Variants in SARNP observed in about 807,000 individuals in gnomAD.
SARNP encodes SAP domain-containing ribonucleoprotein.
In SARNP, 5 loss-of-function variants were observed where a neutral mutation model predicts 38.1. The observed-to-expected ratio is 0.13, with a 90% CI of 0.07 to 0.28. The LOEUF is 0.28. SARNP is among the 10% of genes least tolerant of loss of function. The probability of loss-of-function intolerance (pLI) is 1.00; values close to 1 mark genes in which losing one functional copy is unlikely to be tolerated. For synonymous variants in SARNP, 84 were observed against 80.6 expected, an observed-to-expected ratio of 1.04 and a Z score of -0.23; for missense variants, 180 against 243.9, an observed-to-expected ratio of 0.74 and a Z score of 1.75.
intron 3 of SARNP, 101 bp from the exon 4 acceptor site, chr12:55,800,730 C>A (rs1879956070): frequency 7.9e-7 from 1 of 1,272,346 alleles, no homozygotes; most frequent in Admixed American, 1.7e-5. Context: ...CTCTCAGAAC[C>A]TTCATACCCA....
At chr12:55,794,957 TAAA>T (rs373511418) in intron 5 of SARNP, 77 bp from the exon 6 acceptor site, 692 of 144,472 alleles carry the variant, frequency 4.8e-3, no homozygotes, top group South Asian at 0.016. Context: ...TAGGTATCTT[TAAA>T]AAAAAAAAAA....
At chr12:55,817,614 A>T in intron 1 of SARNP, 52 bp downstream of exon 1, 2 of 1,557,442 alleles carry the variant, frequency 1.3e-6, no homozygotes, top group Non-Finnish European at 8.8e-7. Context: ...GCTACCCTGT[A>T]GAATTCAGTT....
intron 5 of SARNP, 123 bp downstream of exon 5, chr12:55,795,902 C>T (rs1046659635): frequency 7.2e-6 from 5 of 695,882 alleles, no homozygotes; most frequent in Middle Eastern, 2.5e-4. Flanking sequence ...CGTATCAACA[C>T]CAAAATCTGC....
chr12:55,817,095 C>T (rs1262472103), intron 1 of SARNP, among the ~76,000 whole-genome samples: 1 of 152,146 alleles, frequency 6.6e-6, no homozygotes, highest in Admixed American at 6.5e-5. Flanking sequence ...TCCTCAACCC[C>T]AGGCTTCTAA....
chr12:55,777,614 T>C (rs1879220886), intron 9 of SARNP, among the ~76,000 whole-genome samples: 2 of 152,144 alleles, frequency 1.3e-5, no homozygotes, highest in East Asian at 1.9e-4. Flanking sequence ...GACCTCATGA[T>C]CCACCTGCCT....
At chr12:55,791,970 C>A (rs1225372124) in intron 7 of SARNP, among the ~76,000 whole-genome samples, 1 of 151,922 alleles carries the variant, frequency 6.6e-6, no homozygotes, top group Non-Finnish European at 1.5e-5. Flanking sequence ...TAACTATTAT[C>A]TTTCTTCAAA....
chr12:55,766,852 G>C (rs1312293836), intron 9 of SARNP, among the ~76,000 whole-genome samples: 1 of 151,742 alleles, frequency 6.6e-6, no homozygotes, highest in Admixed American at 6.6e-5. Flanking sequence ...GAACTCCTAA[G>C]CTCAAGCAAT....
intron 9 of SARNP, among the ~76,000 whole-genome samples, chr12:55,771,030 C>T (rs919808292): frequency 6.6e-6 from 1 of 151,582 alleles, no homozygotes; most frequent in African/African-American, 2.4e-5. Flanking sequence ...CTCTCCTTCC[C>T]GGGTTCAAGT....
In SARNP at chr12:55,790,606, T is replaced by C; in HGVS notation, c.407-14A>G. On this transcript the variant is annotated splice_polypyrimidine_tract_variant and intron_variant, in intron 7 of 10. Coordinates refer to ENST00000336133, the MANE Select transcript of SARNP (RefSeq NM_033082.4). ...CAGATGACAGACCTAAGGAAGTAAA[T>C]AAAGTTTTATTTAATATTTTTAAAA... is the stretch of plus-strand genomic sequence containing the variant. 1 of 1,502,200 alleles carries C rather than the reference T, an allele frequency of 6.7e-7. No homozygotes were observed. The highest frequency in any genetic ancestry group is 8.9e-7 in the Non-Finnish European group (1 of 1,122,800). 93.1% of individuals were successfully genotyped at this position (1,502,200 alleles called of 1,614,324 possible).
chr12:55,758,189 T>A (rs1333940003), intron 10 of SARNP, among the ~76,000 whole-genome samples: 2 of 152,186 alleles, frequency 1.3e-5, no homozygotes, highest in Non-Finnish European at 2.9e-5. Flanking sequence ...GTTCTGGAAG[T>A]GACTCACAGA....
chr12:55,802,230 T>A (rs1880000309), intron 2 of SARNP, among the ~76,000 whole-genome samples: 2 of 152,144 alleles, frequency 1.3e-5, no homozygotes, highest in African/African-American at 4.8e-5. Flanking sequence ...CTTAGTCACA[T>A]TAAGTATATA....
intron 9 of SARNP, among the ~76,000 whole-genome samples, chr12:55,784,473 T>C (rs180775034): frequency 3.0e-4 from 45 of 152,342 alleles, no homozygotes; most frequent in African/African-American, 1.0e-3. Context: ...ACTAGAACGC[T>C]AAGTTCTAGA....
At chr12:55,788,828 T>C (rs1879581574) in intron 9 of SARNP, among the ~76,000 whole-genome samples, 1 of 151,700 alleles carries the variant, frequency 6.6e-6, no homozygotes, top group East Asian at 1.9e-4. Context: ...AGAAAAGAAA[T>C]GTAGACCACG....
chr12:55,773,612 G>A (rs987569064), intron 9 of SARNP, among the ~76,000 whole-genome samples: 1 of 152,206 alleles, frequency 6.6e-6, no homozygotes, highest in African/African-American at 2.4e-5. Context: ...AAAGAGGGAG[G>A]CAACTAGGTT....
At chr12:55,759,122 TCCTC>T (rs1878600111) in intron 10 of SARNP, among the ~76,000 whole-genome samples, 1 of 152,096 alleles carries the variant, frequency 6.6e-6, no homozygotes, top group Admixed American at 6.6e-5. Context: ...CCTCAAGTGA[TCCTC>T]CCACACTGCT....
intron 9 of SARNP, among the ~76,000 whole-genome samples, chr12:55,770,936 CTTTTT>C (rs376573673): frequency 7.4e-6 from 1 of 135,462 alleles, no homozygotes. Context: ...CTTCTTCAAT[CTTTTT>C]TTTTTTTTTT....
downstream of SARNP, chr12:55,757,172 A>G (rs1878531949): frequency 5.5e-6 from 1 of 180,910 alleles, no homozygotes. Context: ...GGATAAAGGT[A>G]TTATGGCCAA....
intron 8 of SARNP, 40 bp downstream of exon 8, chr12:55,790,527 T>G: frequency 6.5e-7 from 1 of 1,548,530 alleles, no homozygotes. Flanking sequence ...TATATAGAAT[T>G]AAGATCTGGG....
intron 2 of SARNP, among the ~76,000 whole-genome samples, chr12:55,801,979 T>G (rs1879993082): frequency 1.3e-5 from 2 of 152,080 alleles, no homozygotes; most frequent in African/African-American, 4.8e-5. Context: ...AAGAAATGCC[T>G]GCAAGCCAAC....
Sources: gnomAD v4.1 joint callset for allele counts (sites outside exome capture counted in the v4.1 genomes callset) on GRCh38, gnomAD v4.1.1 for gene constraint, MANE v1.5 for transcripts, NCBI Gene and HGNC (gene_info 2026-07-23, HGNC 2026-07-21) for gene names.